ESRP1: variants seen among roughly 807,000 people sequenced by gnomAD.
ESRP1 encodes the protein RNA-binding motif protein 35A.
In ESRP1, 33 loss-of-function variants were observed where a neutral mutation model predicts 81.7. That is an observed-to-expected ratio of 0.40 (90% CI 0.31 to 0.54). The LOEUF is 0.54. Among genes scored for constraint, ESRP1 ranks in the 20% least tolerant of loss-of-function variants. The pLI, the probability that ESRP1 is intolerant of heterozygous loss-of-function variation, is 0.41. For synonymous variants in ESRP1, 320 were observed against 303.3 expected (o/e 1.06, Z -0.57); for missense variants, 672 against 833.1 (o/e 0.81, Z 2.38).
intron 15 of ESRP1, 44 bp from the exon 16 acceptor site, chr8:94,705,881 C>T: frequency 6.9e-7 from 1 of 1,459,420 alleles, no homozygotes; most frequent in Non-Finnish European, 9.2e-7. Context: ...CATTTAGAGA[C>T]TATAACATTT....
chr8:94,666,060 CT>C, intron 9 of ESRP1, among the ~76,000 whole-genome samples: 1 of 152,244 alleles, frequency 6.6e-6, no homozygotes, highest in Non-Finnish European at 1.5e-5. Flanking sequence ...ACGTTGACTG[CT>C]TTTTGTCTGA....
intron 13 of ESRP1, 21 bp downstream of exon 13, chr8:94,678,392 G>A (rs1361805424): frequency 8.7e-6 from 14 of 1,603,230 alleles, no homozygotes; most frequent in Non-Finnish European, 1.1e-5. Context: ...GACAGAGGTG[G>A]AAATGAGGGG....
In ESRP1 at chr8:94,689,877, C is replaced by T. The variant is rs187136474; in HGVS notation, c.1821-2800C>T. On this transcript the variant is annotated intron_variant, in intron 13 of 15. Coordinates refer to ENST00000433389, the MANE Select transcript of ESRP1 (RefSeq NM_017697.4). ...TGTCGCCCAGGCTGGAGTGCAGTGG[C>T]GCCATCTCAGCTCACTGCAAGCTCC... Among the ~76,000 whole-genome samples, 412 of 141,028 alleles carry T rather than the reference C, an allele frequency of 2.9e-3. 1 individual carries two copies. Among genetic ancestry groups the T allele is most frequent in the African/African-American group, 0.01 (387 of 37,058 alleles). 92.5% of individuals were successfully genotyped at this position (141,028 alleles called of 152,430 possible).
chr8:94,643,208 T>C (rs761953927), intron 2 of ESRP1, 95 bp from the exon 3 acceptor site: 2 of 781,592 alleles, frequency 2.6e-6, no homozygotes, highest in Admixed American at 2.1e-5. Flanking sequence ...AGGGCCCTTA[T>C]TGCGGTTTTC....
At position 94,706,048 on chromosome 8, in the gene ESRP1, C is replaced by CTGTG; in HGVS notation, c.*160_*163dup. On this transcript the variant is annotated 3_prime_UTR_variant, in exon 16 of 16. Transcript: ENST00000433389. ...AGCAAACTTGATTGGACAAACGGGCCTGTGCCTTATCTTTTGGTGGAGTGA... is the reference window on the plus strand; with the variant it reads ...AGCAAACTTGATTGGACAAACGGGCCTGTGTGTGCCTTATCTTTTGGTGGAGTGA... 1 of 1,199,992 alleles carries CTGTG rather than the reference C, an allele frequency of 8.3e-7. No individual in the cohort carries two copies. Among genetic ancestry groups the CTGTG allele is most frequent in the African/African-American group, 1.6e-5 (1 of 64,092 alleles). The allele number at this position is 1,199,992 out of a possible 1,614,324, so 74.3% of individuals were successfully genotyped here. A position where few individuals can be genotyped will look rare whatever the true frequency, so the allele number is the denominator to read the frequency against.
chr8:94,687,968 A>C (rs987198301), intron 13 of ESRP1, among the ~76,000 whole-genome samples: 15 of 152,258 alleles, frequency 9.9e-5, no homozygotes, highest in Non-Finnish European at 1.6e-4. Flanking sequence ...ACCCAGGGTC[A>C]CAAAGATTTA....
In ESRP1 at chr8:94,641,394, G is replaced by A. The variant is rs1262090785; in HGVS notation, c.76G>A (p.Asp26Asn). 1 of 1,613,860 alleles carries A rather than the reference G, an allele frequency of 6.2e-7. No individual in the cohort carries two copies. Among genetic ancestry groups the A allele is most frequent in the South Asian group, 1.1e-5 (1 of 91,078 alleles). ...GGCCACCGGGGCCAAGCTAGGCTCGGATGAGAAGGAGTTGATCCTGCTGTT... is the reference window on the plus strand; with the variant it reads ...GGCCACCGGGGCCAAGCTAGGCTCGAATGAGAAGGAGTTGATCCTGCTGTT... ...AGATGAKLGS[D>N]EKELILLFWK... Residue 26 changes from aspartate to asparagine, a missense_variant, in exon 1 of 16, where the codon GAT becomes AAT. Coordinates refer to ENST00000433389, the MANE Select transcript of ESRP1 (RefSeq NM_017697.4).
intron 9 of ESRP1, among the ~76,000 whole-genome samples, chr8:94,666,684 T>TTAGA (rs1238969867): frequency 6.6e-6 from 1 of 152,222 alleles, no homozygotes; most frequent in Non-Finnish European, 1.5e-5. Context: ...CAGTTCATCT[T>TTAGA]TAGATAAACT....
At chr8:94,643,236 GGA>G (rs535456244) in intron 2 of ESRP1, 65 bp from the exon 3 acceptor site, 118 of 1,097,962 alleles carry the variant, frequency 1.1e-4, no homozygotes, top group Non-Finnish European at 1.6e-4. Context: ...ATCACCAAGG[GGA>G]GCTACTTTGC....
In ESRP1 at chr8:94,692,686, T is replaced by C; in HGVS notation, c.1830T>C (p.Gly610=). 1.2e-6 allele frequency: 2 copies of C among 1,613,600 alleles called. No homozygotes were observed. The highest frequency in any genetic ancestry group is 1.7e-6 in the Non-Finnish European group (2 of 1,179,612). The change falls in exon 14 of 16, where the codon GGT becomes GGC. Residue 610 remains glycine (G), a synonymous_variant. Coordinates refer to ENST00000433389, the MANE Select transcript of ESRP1 (RefSeq NM_017697.4). ...NYTAYYPSPP[G]SPNSLGYFPT... ...CTTTCTCTCCCTTTAGCCCCCCAGGTTCGCCTAATAGTCTTGGCTACTTCC... is the reference window on the plus strand; with the variant it reads ...CTTTCTCTCCCTTTAGCCCCCCAGGCTCGCCTAATAGTCTTGGCTACTTCC...
chr8:94,657,247 T>C (rs1400509264), intron 4 of ESRP1, among the ~76,000 whole-genome samples: 1 of 152,256 alleles, frequency 6.6e-6, no homozygotes, highest in Non-Finnish European at 1.5e-5. Flanking sequence ...GTGACTGCCT[T>C]GAGGGCAGAA....
intron 3 of ESRP1, among the ~76,000 whole-genome samples, chr8:94,645,728 A>G (rs3808381): frequency 0.58 from 88,901 of 152,088 alleles, 29,134 homozygotes; most frequent in South Asian, 0.81. Context: ...GCATTATTAG[A>G]ACCCAATAGT....
chr8:94,676,499 T>G (rs549697078), intron 12 of ESRP1, among the ~76,000 whole-genome samples: 13 of 152,210 alleles, frequency 8.5e-5, no homozygotes, highest in South Asian at 2.1e-4. Context: ...GTGTGGTTTT[T>G]TTTTGTTTTG....
chr8:94,675,318 A>C (rs1819536590), intron 12 of ESRP1, among the ~76,000 whole-genome samples: 1 of 152,236 alleles, frequency 6.6e-6, no homozygotes, highest in Non-Finnish European at 1.5e-5. Context: ...AGTACAGTTC[A>C]AAGATAACTA....
At chr8:94,642,856 C>T (rs1229464303) in intron 2 of ESRP1, among the ~76,000 whole-genome samples, 4 of 152,168 alleles carry the variant, frequency 2.6e-5, no homozygotes, top group African/African-American at 9.6e-5. Context: ...AGAAAGCTAT[C>T]CTTCCTGGGG....
intron 1 of ESRP1, 71 bp from the exon 2 acceptor site, chr8:94,641,885 G>T: frequency 6.3e-7 from 1 of 1,584,034 alleles, no homozygotes; most frequent in Non-Finnish European, 8.6e-7. Flanking sequence ...CAGCAGGGGA[G>T]CGAGGGAGGA....
At chr8:94,703,789 G>A (rs1487241361) in intron 15 of ESRP1, among the ~76,000 whole-genome samples, 2 of 152,158 alleles carry the variant, frequency 1.3e-5, no homozygotes, top group Non-Finnish European at 2.9e-5. Context: ...CCTGGGATAT[G>A]CAGGGCTCTA....
chr8:94,696,328 T>TG (rs1809604558), intron 14 of ESRP1, among the ~76,000 whole-genome samples: 1 of 152,242 alleles, frequency 6.6e-6, no homozygotes, highest in Non-Finnish European at 1.5e-5. Context: ...TTTCAATAGA[T>TG]GCTAGTTTTT....
intron 13 of ESRP1, among the ~76,000 whole-genome samples, chr8:94,682,006 A>C (rs1193925475): frequency 1.3e-5 from 2 of 152,194 alleles, no homozygotes; most frequent in Non-Finnish European, 2.9e-5. Flanking sequence ...TGTATGCCTC[A>C]TGTGGTTTTG....
Sources: gnomAD v4.1 joint callset for allele counts (sites outside exome capture counted in the v4.1 genomes callset) on GRCh38, gnomAD v4.1.1 for gene constraint, MANE v1.5 for transcripts, NCBI Gene and HGNC (gene_info 2026-07-23, HGNC 2026-07-21) for gene names.